The following DLGAP2 variants were observed in gnomAD, a reference collection of about 807,000 sequenced individuals.
DLGAP2 encodes the protein DLG associated protein 2.
DLGAP2 carries 26 observed loss-of-function variants against 100.3 expected under a neutral mutation model. The ratio of observed to expected loss-of-function variants is 0.26; its 90% confidence interval spans 0.19 to 0.36. DLGAP2 has a LOEUF of 0.36. DLGAP2 is among the 10% of genes least tolerant of loss of function. DLGAP2 has a pLI of 1.00. For missense variants in DLGAP2, 1,858 were observed against 1,453.2 expected (o/e 1.28, Z -4.53); for synonymous variants, 886 against 630.1 (o/e 1.41, Z -6.08).
chr8:1,235,528 TCATGTCTAGTTCTCTCACATGGCGC>T (rs199799245), intron 2 of DLGAP2, among the ~76,000 whole-genome samples: 25,143 of 57,552 alleles, frequency 0.44, 7,719 homozygotes, highest in Middle Eastern at 0.72. Flanking sequence ...ACACAGAGCA[TCATGTCTAGTTCTCTCACATGGCGC>T]CATGTCTAGT....
At chr8:1,197,596 A>C (rs1335642998) in intron 2 of DLGAP2, among the ~76,000 whole-genome samples, 1 of 151,630 alleles carries the variant, frequency 6.6e-6, no homozygotes, top group African/African-American at 2.4e-5. Flanking sequence ...AACCTGAGCG[A>C]AGCCAATGTG....
At chr8:759,130 CCCTGACAGCT>C (rs1821001194) in intron 1 of DLGAP2, among the ~76,000 whole-genome samples, 1 of 80,940 alleles carries the variant, frequency 1.2e-5, no homozygotes, top group African/African-American at 3.4e-5. Context: ...TTATCAATAC[CCCTGACAGCT>C]TTCCCATTAT....
intron 4 of DLGAP2, among the ~76,000 whole-genome samples, chr8:1,540,387 G>C (rs985941685): frequency 6.6e-6 from 1 of 152,214 alleles, no homozygotes; most frequent in African/African-American, 2.4e-5. Flanking sequence ...TTTGCAGCAG[G>C]TGCTTTGTAA....
At chr8:1,085,222 T>C (rs569514340) in intron 2 of DLGAP2, among the ~76,000 whole-genome samples, 1 of 152,350 alleles carries the variant, frequency 6.6e-6, no homozygotes, top group South Asian at 2.1e-4. Flanking sequence ...TTCTTTTCTT[T>C]CTATAGAGTT....
intron 2 of DLGAP2, among the ~76,000 whole-genome samples, chr8:1,053,720 C>T (rs1341232486): frequency 6.6e-6 from 1 of 152,094 alleles, no homozygotes; most frequent in African/African-American, 2.4e-5. Flanking sequence ...CAGAATGTTG[C>T]CATAACAACC....
At chr8:1,162,377 G>A (rs968921799) in intron 2 of DLGAP2, among the ~76,000 whole-genome samples, 1 of 152,222 alleles carries the variant, frequency 6.6e-6, no homozygotes, top group African/African-American at 2.4e-5. Flanking sequence ...TGGTGGAGAC[G>A]TCTTAGGTAG....
chr8:1,240,142 G>C (rs1384225443), intron 2 of DLGAP2, among the ~76,000 whole-genome samples: 1 of 144,314 alleles, frequency 6.9e-6, no homozygotes, highest in Admixed American at 6.9e-5. Context: ...GCCATGTGTA[G>C]TTCTCTCTCA....
At chr8:1,491,972 G>A (rs548851722) in intron 3 of DLGAP2, among the ~76,000 whole-genome samples, 146 of 152,342 alleles carry the variant, frequency 9.6e-4, no homozygotes, top group Middle Eastern at 3.4e-3. Context: ...GGTGACTGGA[G>A]CCGGGCTCCG....
intron 2 of DLGAP2, among the ~76,000 whole-genome samples, chr8:1,226,504 A>G (rs1222242379): frequency 2.0e-5 from 3 of 152,184 alleles, no homozygotes; most frequent in African/African-American, 7.2e-5. Context: ...CATCAGGATA[A>G]ATAGCTAATG....
intron 4 of DLGAP2, among the ~76,000 whole-genome samples, chr8:1,525,852 T>A (rs187277399): frequency 6.6e-6 from 1 of 152,110 alleles, no homozygotes; most frequent in Non-Finnish European, 1.5e-5. Context: ...CTGTGTGACG[T>A]TGGGCGGTGA....
intron 1 of DLGAP2, among the ~76,000 whole-genome samples, chr8:776,233 TTCTC>T (rs1343669995): frequency 3.3e-5 from 5 of 151,968 alleles, no homozygotes; most frequent in East Asian, 1.9e-4. Context: ...TATTTGATTC[TTCTC>T]TCTTTTTTTC....
rs1467988111 is a variant in DLGAP2, at chr8:1,331,422, C to G, written c.106+72539C>G. On this transcript the variant is annotated intron_variant, in intron 3 of 14. Transcript: ENST00000637795. ...GAGCCTGAAATGTGTCCGTCCCTCC[C>G]CTTTGCAAACCTGCCCTCCTTCCAG... Among the ~76,000 whole-genome samples the G allele has an allele frequency of 5.3e-5, 8 of 152,218 alleles. No individual in the cohort carries two copies. In the East Asian group the frequency reaches 5.8e-4, roughly 11 times the overall value.
intron 13 of DLGAP2, among the ~76,000 whole-genome samples, chr8:1,693,087 G>A (rs1040722514): frequency 2.7e-5 from 4 of 147,336 alleles, no homozygotes; most frequent in African/African-American, 7.4e-5. Flanking sequence ...ATATTAACAT[G>A]TATATGAAAT....
intron 6 of DLGAP2, among the ~76,000 whole-genome samples, chr8:1,570,917 G>C (rs1802634696): frequency 1.3e-5 from 2 of 149,480 alleles, no homozygotes; most frequent in African/African-American, 5.0e-5. Flanking sequence ...GGGATGGAGA[G>C]GAGAGAGGGT....
chr8:1,077,212 C>T (rs1351381093), intron 2 of DLGAP2, among the ~76,000 whole-genome samples: 3 of 152,186 alleles, frequency 2.0e-5, no homozygotes, highest in Non-Finnish European at 4.4e-5. Context: ...CATGTGGGGG[C>T]AGGATCCTCC....
At chr8:1,539,317 T>C (rs991898034) in intron 4 of DLGAP2, among the ~76,000 whole-genome samples, 4 of 152,208 alleles carry the variant, frequency 2.6e-5, no homozygotes, top group East Asian at 3.9e-4. Context: ...CACATTGAGA[T>C]GCAATCCACA....
At chr8:786,047 C>T (rs1046354141) in intron 1 of DLGAP2, among the ~76,000 whole-genome samples, 1 of 152,240 alleles carries the variant, frequency 6.6e-6, no homozygotes, top group African/African-American at 2.4e-5. Context: ...GTCAGGAATG[C>T]CCAGACCAGA....
chr8:1,372,230 C>T (rs984550379), intron 3 of DLGAP2, among the ~76,000 whole-genome samples: 6 of 87,994 alleles, frequency 6.8e-5, no homozygotes, highest in Non-Finnish European at 1.6e-4. Context: ...CGCTGGTCAC[C>T]GTGGTGCCAA....
chr8:1,442,219 C>T (rs34612592), intron 3 of DLGAP2, among the ~76,000 whole-genome samples: 4,629 of 87,238 alleles, frequency 0.053, 233 homozygotes, highest in African/African-American at 0.15. Context: ...GTTCAGCCAC[C>T]GGGGGAGACG....
Sources: gnomAD v4.1 joint callset for allele counts (sites outside exome capture counted in the v4.1 genomes callset) on GRCh38, gnomAD v4.1.1 for gene constraint, MANE v1.5 for transcripts, NCBI Gene and HGNC (gene_info 2026-07-23, HGNC 2026-07-21) for gene names.